Variants in CA10 observed in about 807,000 individuals in gnomAD.
CA10 encodes the protein carbonic anhydrase 10 (inactive), also known as carbonic anhydrase-related protein 10.
In CA10, 14 loss-of-function variants were observed where a neutral mutation model predicts 44.2. The ratio of observed to expected loss-of-function variants is 0.32; its 90% CI spans 0.21 to 0.50. CA10 has a LOEUF of 0.50. Ranked by LOEUF, CA10 falls within the 20% of genes least tolerant of loss-of-function variation. The pLI is 0.99. For missense variants in CA10, 350 were observed against 409.7 expected, an observed-to-expected ratio of 0.85 and a Z score of 1.26; for synonymous variants, 159 against 141.6, an observed-to-expected ratio of 1.12 and a Z score of -0.87.
Position 51,788,237 on chromosome 17 carries a change from C to T in CA10, c.280-40419G>A, listed in dbSNP as rs188828735. On this transcript the variant is annotated intron_variant, in intron 3 of 8. Coordinates refer to ENST00000451037, the MANE Select transcript of CA10 (RefSeq NM_020178.5). The stretch of plus-strand genomic sequence containing the variant: ...CATTCAGAAGCAGATTGTTTAATTT[C>T]CATGTATTTGTTTAGTTTCTGAAAT... 2.0e-5 allele frequency among the ~76,000 whole-genome samples: 3 copies of T among 152,174 alleles called. No individual in the cohort carries two copies. The East Asian group carries it at 5.8e-4, about 29-fold the overall frequency.
intron 2 of CA10, among the ~76,000 whole-genome samples, chr17:52,046,904 A>G (rs1986927754): frequency 1.3e-5 from 2 of 151,924 alleles, no homozygotes; most frequent in African/African-American, 4.8e-5. Context: ...TCATTAATTC[A>G]CCATTTTAAC....
chr17:51,827,808 C>T (rs1047105357), intron 3 of CA10, among the ~76,000 whole-genome samples: 7 of 152,182 alleles, frequency 4.6e-5, no homozygotes, highest in African/African-American at 2.4e-5. Flanking sequence ...ACAAAATGAA[C>T]TGCATCTCCC....
chr17:51,853,793 G>A (rs1978911456), intron 3 of CA10, among the ~76,000 whole-genome samples: 1 of 152,146 alleles, frequency 6.6e-6, no homozygotes, highest in Non-Finnish European at 1.5e-5. Context: ...GGTTTTATAA[G>A]TGTTTGACTG....
chr17:52,001,492 T>C (rs1224827301), intron 2 of CA10, among the ~76,000 whole-genome samples: 1 of 151,970 alleles, frequency 6.6e-6, no homozygotes, highest in African/African-American at 2.4e-5. Context: ...TAAGACTACA[T>C]GAGATAGTAG....
chr17:51,772,029 G>A (rs1905631708), intron 3 of CA10, among the ~76,000 whole-genome samples: 1 of 152,122 alleles, frequency 6.6e-6, no homozygotes. Context: ...GATGCCTCGT[G>A]GAGTGCTCTG....
chr17:52,075,775 A>T (rs1987802595), intron 1 of CA10, among the ~76,000 whole-genome samples: 1 of 152,180 alleles, frequency 6.6e-6, no homozygotes, highest in African/African-American at 2.4e-5. Context: ...TATAGTACTT[A>T]CATGTGCTAA....
At position 52,093,146 on chromosome 17, in the gene CA10, A is replaced by G. The variant is rs149017715; in HGVS notation, c.62-20753T>C. ...CATATATGTATATATGTGTAGATAC[A>G]TATGTACACATACATATATCAGGGA... is the stretch of plus-strand genomic sequence containing the variant. On this transcript the variant is annotated intron_variant, in intron 1 of 8. Coordinates refer to ENST00000451037, the MANE Select transcript of CA10 (RefSeq NM_020178.5). Among the ~76,000 whole-genome samples, 508 of 152,074 alleles carry G rather than the reference A, an allele frequency of 3.3e-3. 1 individual carries two copies. In the Middle Eastern group the frequency reaches 0.041, roughly 12 times the overall value.
At chr17:52,124,971 C>G (rs950875102) in intron 1 of CA10, among the ~76,000 whole-genome samples, 2 of 152,212 alleles carry the variant, frequency 1.3e-5, no homozygotes, top group African/African-American at 4.8e-5. Flanking sequence ...CCTATACCTA[C>G]CATGCCCTCT....
chr17:51,892,514 A>G (rs1331784459), intron 3 of CA10, among the ~76,000 whole-genome samples: 2 of 152,228 alleles, frequency 1.3e-5, no homozygotes, highest in African/African-American at 4.8e-5. Flanking sequence ...CATGAGTCAC[A>G]TAAATTCTCT....
chr17:51,817,287 C>T (rs770880361), intron 3 of CA10, among the ~76,000 whole-genome samples: 30 of 152,142 alleles, frequency 2.0e-4, no homozygotes, highest in Non-Finnish European at 3.8e-4. Context: ...CAGCCACACC[C>T]ATTGGTTTAC....
intron 1 of CA10, among the ~76,000 whole-genome samples, chr17:52,097,841 T>G (rs1344097299): frequency 6.6e-6 from 1 of 152,214 alleles, no homozygotes; most frequent in East Asian, 1.9e-4. Context: ...TAGGACAGAA[T>G]GAGGATGACT....
chr17:51,700,168 G>A (rs1567808552), intron 4 of CA10, among the ~76,000 whole-genome samples: 1 of 152,188 alleles, frequency 6.6e-6, no homozygotes, highest in African/African-American at 2.4e-5. Context: ...TGGAGAACTG[G>A]TGAATGTCCC....
chr17:52,073,350 G>A (rs577549312), intron 1 of CA10, among the ~76,000 whole-genome samples: 2 of 152,230 alleles, frequency 1.3e-5, no homozygotes, highest in Non-Finnish European at 2.9e-5. Context: ...TGTATAGAGA[G>A]AAGATTTACT....
upstream of CA10, among the ~76,000 whole-genome samples, chr17:52,159,002 T>G (rs1461338271): frequency 6.6e-6 from 1 of 152,034 alleles, no homozygotes; most frequent in Non-Finnish European, 1.5e-5. Flanking sequence ...CCCCAGTCCC[T>G]GGCAGCCGCC....
At chr17:51,773,162 A>G (rs1001461067) in intron 3 of CA10, among the ~76,000 whole-genome samples, 7 of 152,218 alleles carry the variant, frequency 4.6e-5, no homozygotes, top group African/African-American at 1.7e-4. Flanking sequence ...TATGATATAA[A>G]AGACTGAGGA....
intron 4 of CA10, among the ~76,000 whole-genome samples, chr17:51,658,675 G>C (rs1913890309): frequency 6.6e-6 from 1 of 152,136 alleles, no homozygotes; most frequent in South Asian, 2.1e-4. Flanking sequence ...CCATGGTGAG[G>C]AGCTTTGATT....
At chr17:52,137,554 G>A (rs2143371370) in intron 1 of CA10, among the ~76,000 whole-genome samples, 1 of 152,230 alleles carries the variant, frequency 6.6e-6, no homozygotes, top group South Asian at 2.1e-4. Context: ...TATAAGCCTG[G>A]TATCTATGAA....
At chr17:52,051,544 A>G (rs1987073207) in intron 2 of CA10, among the ~76,000 whole-genome samples, 1 of 152,150 alleles carries the variant, frequency 6.6e-6, no homozygotes, top group Non-Finnish European at 1.5e-5. Context: ...AAAATAGCTC[A>G]ACATCATTGA....
intron 2 of CA10, among the ~76,000 whole-genome samples, chr17:52,048,855 C>T (rs909245183): frequency 1.3e-5 from 2 of 151,868 alleles, no homozygotes; most frequent in South Asian, 4.1e-4. Flanking sequence ...GTAGACATTA[C>T]CCTACAAGAA....
Sources: gnomAD v4.1 joint callset for allele counts (sites outside exome capture counted in the v4.1 genomes callset) on GRCh38, gnomAD v4.1.1 for gene constraint, MANE v1.5 for transcripts, NCBI Gene and HGNC (gene_info 2026-07-23, HGNC 2026-07-21) for gene names.